HABP4: variants seen among roughly 807,000 people sequenced by gnomAD.
The protein encoded by HABP4 is intracellular hyaluronan-binding protein 4.
HABP4 carries 32 observed loss-of-function variants against 44.1 expected under a neutral mutation model. The ratio of observed to expected loss-of-function variants is 0.73; its 90% confidence interval spans 0.55 to 0.97. The LOEUF (loss-of-function observed/expected upper bound fraction) is 0.97, where lower values mean the gene tolerates loss of function less well. HABP4 is among the 50% of genes least tolerant of loss of function. The pLI is 0.00. For synonymous variants in HABP4, 216 were observed against 218.0 expected, an observed-to-expected ratio of 0.99 and a Z score of 0.08; for missense variants, 503 against 561.9, an observed-to-expected ratio of 0.90 and a Z score of 1.06.
intron 5 of HABP4, chr9:96,483,734 G>A (rs1394841878): frequency 1.3e-5 from 2 of 152,094 alleles, no homozygotes; most frequent in African/African-American, 4.8e-5. Flanking sequence ...GGTGTCATGT[G>A]GAAGAAACCA....
At chr9:96,467,726 A>G (rs867209064) in intron 4 of HABP4, among the ~76,000 whole-genome samples, 8 of 151,972 alleles carry the variant, frequency 5.3e-5, no homozygotes, top group Admixed American at 2.0e-4. Context: ...GTGTTTCACC[A>G]TGTTGGCCAG....
Position 96,470,727 on chromosome 9 carries a change from C to T in HABP4, c.744-284C>T, listed in dbSNP as rs548215547. 1.1e-3 allele frequency among the ~76,000 whole-genome samples: 173 copies of T among 151,772 alleles called. 1 individual carries two copies. Among genetic ancestry groups the T allele is most frequent in the Non-Finnish European group, 2.1e-3 (144 of 67,942 alleles). ...TGACCAACATGGTGAAACCCTGTCT[C>T]TACCAAAAATACAAAAAAAATTAGC... On this transcript the variant is annotated intron_variant, in intron 4 of 7. Transcript: ENST00000375249.
intron 5 of HABP4, among the ~76,000 whole-genome samples, chr9:96,474,779 T>C (rs890255561): frequency 2.6e-5 from 4 of 152,196 alleles, no homozygotes; most frequent in Non-Finnish European, 5.9e-5. Context: ...TCAGCCCTGT[T>C]TGAATGTTGA....
chr9:96,488,867 GTTT>G lies in HABP4; in HGVS notation c.1185+594_1185+596del, dbSNP rs1833024143. On this transcript the variant is annotated intron_variant, in intron 7 of 7. Coordinates refer to ENST00000375249, the MANE Select transcript of HABP4 (RefSeq NM_014282.4). This position sits in a 1 kb window ranked among gnomAD's most constrained non-coding sequence, Gnocchi z 4.6. Reference sequence around the variant, plus strand: ...CCGATCAAGGTCTCGGAGCAAAGGAGTTTCTTTTCATTGAAGCCTGATCTCCGT... The same window carrying G: ...CCGATCAAGGTCTCGGAGCAAAGGAGCTTTTCATTGAAGCCTGATCTCCGT... Among the ~76,000 whole-genome samples the G allele has an allele frequency of 6.6e-6, 1 of 152,220 alleles. No individual in the cohort carries two copies. Among genetic ancestry groups the G allele is most frequent in the Non-Finnish European group, 1.5e-5 (1 of 68,030 alleles).
chr9:96,457,192 C>T (rs559120403), intron 1 of HABP4, among the ~76,000 whole-genome samples: 1 of 152,170 alleles, frequency 6.6e-6, no homozygotes, highest in East Asian at 1.9e-4. Flanking sequence ...GTTAGAGAAA[C>T]GTCGTCTCTA....
chr9:96,480,255 C>T (rs1403875082), intron 5 of HABP4, among the ~76,000 whole-genome samples: 1 of 152,126 alleles, frequency 6.6e-6, no homozygotes, highest in South Asian at 2.1e-4. Context: ...AGGTACTGTA[C>T]ACCCCTCCTT....
intron 5 of HABP4, among the ~76,000 whole-genome samples, chr9:96,474,028 G>T (rs1587683436): frequency 6.6e-6 from 1 of 152,274 alleles, no homozygotes; most frequent in East Asian, 1.9e-4. Context: ...AAGATTTTGT[G>T]TGTGTGCGTG....
At chr9:96,481,641 G>A (rs1307231079) in intron 5 of HABP4, among the ~76,000 whole-genome samples, 1 of 151,930 alleles carries the variant, frequency 6.6e-6, no homozygotes, top group African/African-American at 2.4e-5. Flanking sequence ...GCTACTCTCA[G>A]GAAGCTGAGG....
chr9:96,471,146 T>C (rs1564164484), intron 5 of HABP4, 52 bp downstream of exon 5: 2 of 972,846 alleles, frequency 2.1e-6, no homozygotes, highest in Non-Finnish European at 3.2e-6. Context: ...TTCTTAATGA[T>C]TTCTTTTTTT....
At chr9:96,486,716 G>T (rs1435794468) in intron 6 of HABP4, among the ~76,000 whole-genome samples, 1 of 152,000 alleles carries the variant, frequency 6.6e-6, no homozygotes, top group Non-Finnish European at 1.5e-5. Flanking sequence ...AGTTTACTTT[G>T]TTCTGGACAC....
intron 1 of HABP4, among the ~76,000 whole-genome samples, chr9:96,452,821 G>A (rs181957197): frequency 2.0e-5 from 3 of 149,932 alleles, no homozygotes; most frequent in Admixed American, 2.0e-4. Flanking sequence ...TGAATGCTTA[G>A]TGTAGACAAA....
chr9:96,476,272 G>A (rs769695804), intron 5 of HABP4, among the ~76,000 whole-genome samples: 9 of 152,182 alleles, frequency 5.9e-5, no homozygotes, highest in South Asian at 2.1e-4. Flanking sequence ...TCTAACTATT[G>A]ATATCATGAA....
intron 3 of HABP4, 65 bp from the exon 4 acceptor site, chr9:96,465,645 T>A: frequency 8.0e-7 from 1 of 1,256,228 alleles, no homozygotes; most frequent in Non-Finnish European, 1.2e-6. Context: ...TGAACCACTC[T>A]TTCTGATTTG....
intron 5 of HABP4, among the ~76,000 whole-genome samples, chr9:96,478,480 C>T (rs544118466): frequency 1.3e-5 from 2 of 152,192 alleles, no homozygotes; most frequent in Non-Finnish European, 2.9e-5. Flanking sequence ...TTTCATTTCT[C>T]CTGGGTAAAT....
At position 96,488,964 on chromosome 9, in the gene HABP4, G is replaced by C. The variant is rs991741678; in HGVS notation, c.1185+690G>C. 4.6e-5 allele frequency among the ~76,000 whole-genome samples: 7 copies of C among 152,186 alleles called. No individual in the cohort carries two copies. Among genetic ancestry groups the C allele is most frequent in the Admixed American group, 4.6e-4 (7 of 15,282 alleles). ...CTTTTGCTCATTACCGGTTTACGCA[G>C]TGCCACGCAGTGCCTGGCATGTAGT... On this transcript the variant is annotated intron_variant, in intron 7 of 7. Transcript: ENST00000375249. The surrounding 1 kb of genome is among the most constrained non-coding windows in gnomAD (Gnocchi z 4.6).
intron 2 of HABP4, among the ~76,000 whole-genome samples, chr9:96,463,663 G>T (rs1832546649): frequency 6.6e-6 from 1 of 152,216 alleles, no homozygotes; most frequent in African/African-American, 2.4e-5. Flanking sequence ...AGCCAACTTG[G>T]AGAATTTATT....
intron 6 of HABP4, 72 bp downstream of exon 6, chr9:96,484,705 C>G (rs1260737506): frequency 2.4e-5 from 20 of 823,958 alleles, no homozygotes; most frequent in Non-Finnish European, 3.2e-5. Context: ...TACCTTTCCA[C>G]TTCTGTCTTG....
intron 1 of HABP4, among the ~76,000 whole-genome samples, chr9:96,456,776 AAAAAATATATATATATAT>A (rs1287286613): frequency 2.3e-4 from 15 of 64,478 alleles, no homozygotes; most frequent in Admixed American, 4.5e-4. Flanking sequence ...AAAAAAAAAA[AAAAAATATATATATATAT>A]ATATATATAT....
At chr9:96,452,911 G>GTTTTT (rs71368266) in intron 1 of HABP4, among the ~76,000 whole-genome samples, 2 of 63,146 alleles carry the variant, frequency 3.2e-5, no homozygotes, top group Non-Finnish European at 5.6e-5. Flanking sequence ...ATGGAAAAGG[G>GTTTTT]TTTTTTTTTT....
Sources: gnomAD v4.1 joint callset for allele counts (sites outside exome capture counted in the v4.1 genomes callset) on GRCh38, gnomAD v4.1.1 for gene constraint, Gnocchi (gnomAD v3.1) non-coding constraint, MANE v1.5 for transcripts, NCBI Gene and HGNC (gene_info 2026-07-23, HGNC 2026-07-21) for gene names.